Variants in ITGAV observed in about 807,000 individuals in gnomAD.
ITGAV encodes integrin subunit alpha V, also known as integrin alpha-V.
In ITGAV, 76 loss-of-function variants were observed where a neutral mutation model predicts 143.8. The observed-to-expected ratio is 0.53, with a 90% confidence interval of 0.44 to 0.64. The LOEUF (loss-of-function observed/expected upper bound fraction) is 0.64, where lower values mean the gene tolerates loss of function less well. ITGAV is among the 30% of genes least tolerant of loss of function. ITGAV has a pLI of 0.00. For synonymous variants in ITGAV, 453 were observed against 446.7 expected, an observed-to-expected ratio of 1.01 and a Z score of -0.18; for missense variants, 1,193 against 1,274.7, an observed-to-expected ratio of 0.94 and a Z score of 0.98.
rs200643949 is a variant in ITGAV, at chr2:186,638,394, A to T, written c.847-15A>T. On this transcript the variant is annotated splice_polypyrimidine_tract_variant and intron_variant, in intron 9 of 29. Transcript: ENST00000261023. ...ATTTTACCAGATTTCACATACTTCT[A>T]TTTTTCCTTCACAGGTTTATATTTA... The T allele has an allele frequency of 6.2e-7, 1 of 1,610,168 alleles. No homozygotes were observed. The highest frequency in any genetic ancestry group is 1.3e-5 in the African/African-American group (1 of 74,786).
intron 2 of ITGAV, among the ~76,000 whole-genome samples, chr2:186,612,944 A>T (rs1470335265): frequency 3.3e-5 from 5 of 152,224 alleles, no homozygotes; most frequent in Non-Finnish European, 5.9e-5. Context: ...TTACAGAATT[A>T]CACAGAGAGC....
In ITGAV at chr2:186,677,499, G is replaced by A; in HGVS notation, c.*207G>A. On this transcript the variant is annotated 3_prime_UTR_variant, in exon 30 of 30. Coordinates refer to ENST00000261023, the MANE Select transcript of ITGAV (RefSeq NM_002210.5). ...CATTTAATAACATAGGGTGACTTGT[G>A]TTTTTAGGTATTTAAATAATAAAAT... The A allele has an allele frequency of 2.2e-6, 1 of 462,032 alleles. No homozygotes were observed. 28.6% of individuals were successfully genotyped at this position (462,032 alleles called of 1,614,324 possible).
At chr2:186,596,217 G>A (rs1295012245) in intron 1 of ITGAV, among the ~76,000 whole-genome samples, 1 of 152,176 alleles carries the variant, frequency 6.6e-6, no homozygotes, top group African/African-American at 2.4e-5. Context: ...CGATAGAAGG[G>A]AACAGAGATT....
At chr2:186,664,177 A>G (rs985500780) in intron 19 of ITGAV, among the ~76,000 whole-genome samples, 1 of 152,230 alleles carries the variant, frequency 6.6e-6, no homozygotes, top group Non-Finnish European at 1.5e-5. Flanking sequence ...ATATTGTGAG[A>G]ATTATGACAC....
rs1405841408 is a variant in ITGAV, at chr2:186,612,219, A to C, written c.316+10068A>C. Reference sequence around the variant, plus strand: ...TTTTCTAGGGAAGCAGATGCTACTGACAGTCTGAGCCTTGGCCATGTTTCT... The same window carrying C: ...TTTTCTAGGGAAGCAGATGCTACTGCCAGTCTGAGCCTTGGCCATGTTTCT... On this transcript the variant is annotated intron_variant, in intron 2 of 29. Coordinates refer to ENST00000261023, the MANE Select transcript of ITGAV (RefSeq NM_002210.5). Among the ~76,000 whole-genome samples, 5 of 152,276 alleles carry C rather than the reference A, an allele frequency of 3.3e-5. No individual in the cohort carries two copies. The East Asian group carries it at 9.6e-4, about 29-fold the overall frequency.
At chr2:186,609,318 A>G (rs769746650) in intron 2 of ITGAV, among the ~76,000 whole-genome samples, 1 of 152,148 alleles carries the variant, frequency 6.6e-6, no homozygotes, top group Non-Finnish European at 1.5e-5. Context: ...AAGGCCATGT[A>G]ACTGTTGCTT....
chr2:186,659,815 C>G (rs1283098942), intron 18 of ITGAV, among the ~76,000 whole-genome samples: 2 of 150,040 alleles, frequency 1.3e-5, no homozygotes, highest in Non-Finnish European at 3.0e-5. Context: ...GTATATGTGA[C>G]AGTAGCAAAA....
intron 2 of ITGAV, among the ~76,000 whole-genome samples, chr2:186,602,621 G>A (rs1686942905): frequency 6.6e-6 from 1 of 152,244 alleles, no homozygotes; most frequent in Non-Finnish European, 1.5e-5. Flanking sequence ...GCTCACGCCT[G>A]TAATCCCAGC....
intron 1 of ITGAV, among the ~76,000 whole-genome samples, chr2:186,591,061 A>G (rs1238465857): frequency 6.6e-6 from 1 of 152,110 alleles, no homozygotes; most frequent in African/African-American, 2.4e-5. Flanking sequence ...AAATGACCAT[A>G]CTGTCCTATT....
At position 186,601,461 on chromosome 2, in the gene ITGAV, T is replaced by TA. The variant is rs113707694; in HGVS notation, c.186-548dup. On this transcript the variant is annotated intron_variant, in intron 1 of 29. Transcript: ENST00000261023. ...GGTGACAAAGCAAAACTGTGTCTCT[T>TA]AAAAAAAAAAAATAGAATAAAATAA... is the stretch of plus-strand genomic sequence containing the variant. 3.3e-3 allele frequency among the ~76,000 whole-genome samples: 475 copies of TA among 145,346 alleles called. 2 individuals are homozygous for TA. The highest frequency in any genetic ancestry group is 9.0e-3 in the African/African-American group (360 of 39,984).
chr2:186,645,616 ATGTT>A (rs1688233409), intron 12 of ITGAV, among the ~76,000 whole-genome samples: 1 of 152,094 alleles, frequency 6.6e-6, no homozygotes, highest in Non-Finnish European at 1.5e-5. Context: ...GATATGGTGA[ATGTT>A]TGGCCCTTTT....
chr2:186,671,138 G>C (rs1040995788), intron 26 of ITGAV, among the ~76,000 whole-genome samples: 6 of 151,982 alleles, frequency 3.9e-5, no homozygotes, highest in African/African-American at 1.5e-4. Flanking sequence ...CCCCTGGTTG[G>C]CCTCTGTATT....
rs973837735 is a variant in ITGAV at position 186,656,051 on chromosome 2, A to C, written c.1565-196A>C. Among the ~76,000 whole-genome samples the C allele has an allele frequency of 2.6e-4, 39 of 152,028 alleles. 1 individual carries two copies. The highest frequency in any genetic ancestry group is 8.9e-4 in the African/African-American group (37 of 41,394). ...ACATTACTTTAGGGAAAGTTTGATT[A>C]ATTATTTAATTATTATTAAATATTT... On this transcript the variant is annotated intron_variant, in intron 16 of 29. Coordinates refer to ENST00000261023, the MANE Select transcript of ITGAV (RefSeq NM_002210.5).
intron 2 of ITGAV, among the ~76,000 whole-genome samples, chr2:186,603,099 A>G (rs1040322769): frequency 2.0e-5 from 3 of 152,186 alleles, no homozygotes; most frequent in African/African-American, 4.8e-5. Context: ...GAAATAAAAT[A>G]TGCAGAATTC....
At chr2:186,619,798 C>G (rs773138923) in intron 2 of ITGAV, among the ~76,000 whole-genome samples, 1 of 152,096 alleles carries the variant, frequency 6.6e-6, no homozygotes, top group Non-Finnish European at 1.5e-5. Flanking sequence ...CAAGACCAGC[C>G]TGGCCAACAT....
intron 2 of ITGAV, among the ~76,000 whole-genome samples, chr2:186,607,329 C>T (rs1687095076): frequency 6.6e-6 from 1 of 152,142 alleles, no homozygotes; most frequent in Admixed American, 6.5e-5. Context: ...GATATTACAA[C>T]ACTTTGTCAT....
intron 1 of ITGAV, among the ~76,000 whole-genome samples, chr2:186,592,781 A>G (rs1686649573): frequency 6.6e-6 from 1 of 152,176 alleles, no homozygotes; most frequent in Admixed American, 6.5e-5. Context: ...AATATTTTGA[A>G]ATATTCATCA....
At chr2:186,676,240 G>T (rs10931252) in intron 28 of ITGAV, 42,948 of 224,604 alleles carry the variant, frequency 0.19, 4,355 homozygotes, top group Non-Finnish European at 0.22. Context: ...CAACAAGTGA[G>T]GCATTTTGAA....
intron 23 of ITGAV, 82 bp downstream of exon 23, chr2:186,667,312 C>A: frequency 1.0e-6 from 1 of 992,192 alleles, no homozygotes; most frequent in Non-Finnish European, 1.6e-6. Flanking sequence ...CTTTTCTGGA[C>A]AATAGACCCT....
Sources: gnomAD v4.1 joint callset for allele counts (sites outside exome capture counted in the v4.1 genomes callset) on GRCh38, gnomAD v4.1.1 for gene constraint, MANE v1.5 for transcripts, NCBI Gene and HGNC (gene_info 2026-07-23, HGNC 2026-07-21) for gene names.